Variants in NUP210 observed in about 807,000 individuals in gnomAD.
The protein encoded by NUP210 is nuclear pore membrane glycoprotein 210.
Under a neutral mutation model 196.0 loss-of-function variants are expected in NUP210, and 151 were observed. The observed-to-expected ratio is 0.77, with a 90% CI of 0.67 to 0.88. The LOEUF (loss-of-function observed/expected upper bound fraction) is 0.88. Among genes scored for constraint, NUP210 ranks in the 40% least tolerant of loss-of-function variants. The pLI, the probability that NUP210 is intolerant of heterozygous loss-of-function variation, is 0.00. For missense variants in NUP210, 2,314 were observed against 2,493.7 expected (o/e 0.93, Z 1.53); for synonymous variants, 1,070 against 1,052.7 (o/e 1.02, Z -0.32).
At chr3:13,318,339 G>A (rs1002285851) in intron 39 of NUP210, among the ~76,000 whole-genome samples, 4 of 152,170 alleles carry the variant, frequency 2.6e-5, no homozygotes, top group Non-Finnish European at 4.4e-5. Flanking sequence ...TAGAGAAGTC[G>A]TCAGGCAGAA....
At chr3:13,382,956 G>T (rs913509593) in intron 6 of NUP210, among the ~76,000 whole-genome samples, 1 of 152,030 alleles carries the variant, frequency 6.6e-6, no homozygotes, top group African/African-American at 2.4e-5. Flanking sequence ...GACCAGCCTG[G>T]ACAACACAGA....
intron 14 of NUP210, among the ~76,000 whole-genome samples, chr3:13,364,067 G>A (rs539298121): frequency 6.6e-6 from 1 of 152,132 alleles, no homozygotes; most frequent in Non-Finnish European, 1.5e-5. Flanking sequence ...GTTGGGATGT[G>A]GGGGCAGGTC....
chr3:13,377,038 C>G (rs1202395168), intron 9 of NUP210, among the ~76,000 whole-genome samples: 3 of 152,156 alleles, frequency 2.0e-5, no homozygotes, highest in Non-Finnish European at 4.4e-5. Flanking sequence ...ATGCAGGGTT[C>G]CAGGTATTTC....
rs80060863 is a variant in NUP210 at position 13,369,561 on chromosome 3, T to C, written c.1786+2273A>G. On this transcript the variant is annotated intron_variant, in intron 13 of 39. Transcript: ENST00000254508. ...TTATAGTTTTCAATTTTATATTAGG[T>C]CTTTGATCCACTGTGACTTAATTTT... is the stretch of plus-strand genomic sequence containing the variant. Among the ~76,000 whole-genome samples, 1,293 of 152,324 alleles carry C rather than the reference T, an allele frequency of 8.5e-3. 19 individuals are homozygous for C. The highest frequency in any genetic ancestry group is 0.03 in the African/African-American group (1,227 of 41,558).
At position 13,341,820 on chromosome 3, in the gene NUP210, G is replaced by T; in HGVS notation, c.3156C>A (p.Gly1052=). Residue 1052 remains glycine (G), a synonymous_variant, in exon 23 of 40, where the codon GGC becomes GGA. Coordinates refer to ENST00000254508, the MANE Select transcript of NUP210 (RefSeq NM_024923.4). The part of the protein sequence containing the change: ...ITFLIRGVAI[G]QTSLTASVTN... ...TCACACTTGCAGTTAGACTGGTCTG[G>T]CCGATGGCCACACCGCGGATGAGGA... is the stretch of plus-strand genomic sequence containing the variant. The T allele has an allele frequency of 6.2e-7, 1 of 1,614,208 alleles. No homozygotes were observed. The highest frequency in any genetic ancestry group is 8.5e-7 in the Non-Finnish European group (1 of 1,180,040).
intron 14 of NUP210, among the ~76,000 whole-genome samples, chr3:13,363,029 C>G (rs1559329280): frequency 6.6e-6 from 1 of 152,172 alleles, no homozygotes; most frequent in African/African-American, 2.4e-5. Context: ...GGACCTTAAA[C>G]AAGTTAATGT....
Position 13,327,455 on chromosome 3 carries a change from A to G in NUP210, c.4287-18T>C. Reference sequence around the variant, plus strand: ...AGTCGTCTCTAGGCACAGGAGAGAAAGGAGGGCTCTCAGTCTCGGGAAAGA... The same window carrying G: ...AGTCGTCTCTAGGCACAGGAGAGAAGGGAGGGCTCTCAGTCTCGGGAAAGA... On this transcript the variant is annotated intron_variant, in intron 31 of 39. Transcript: ENST00000254508. 2 of 1,570,866 alleles carry G rather than the reference A, an allele frequency of 1.3e-6. No individual in the cohort carries two copies. The highest frequency in any genetic ancestry group is 4.5e-5 in the East Asian group (2 of 44,180).
intron 31 of NUP210, among the ~76,000 whole-genome samples, chr3:13,328,391 T>C (rs1021994633): frequency 1.3e-5 from 2 of 152,208 alleles, no homozygotes; most frequent in African/African-American, 4.8e-5. Context: ...CCCAGTTCTT[T>C]CCATAAGGCA....
At chr3:13,361,159 T>C (rs530367353) in intron 14 of NUP210, among the ~76,000 whole-genome samples, 3 of 152,366 alleles carry the variant, frequency 2.0e-5, no homozygotes, top group South Asian at 2.1e-4. Flanking sequence ...CCCTTCCTTC[T>C]GAGCCGCTGG....
chr3:13,373,102 G>C lies in NUP210; in HGVS notation c.1587+616C>G, dbSNP rs138666118. Among the ~76,000 whole-genome samples the C allele has an allele frequency of 4.0e-3, 607 of 152,268 alleles. 3 individuals are homozygous for C. Among genetic ancestry groups the C allele is most frequent in the African/African-American group, 0.014 (581 of 41,556 alleles). On this transcript the variant is annotated intron_variant, in intron 12 of 39. Transcript: ENST00000254508. ...GAGCAGGCTGCAGCTGGACTCCATGGGACACCCCTTCCTGCCCCAAATGAA... is the reference window on the plus strand; with the variant it reads ...GAGCAGGCTGCAGCTGGACTCCATGCGACACCCCTTCCTGCCCCAAATGAA...
intron 1 of NUP210, among the ~76,000 whole-genome samples, chr3:13,406,961 C>T (rs1487605877): frequency 6.6e-6 from 1 of 151,912 alleles, no homozygotes; most frequent in East Asian, 1.9e-4. Context: ...ACGTGGCTCA[C>T]TCGGTTCTCT....
chr3:13,385,279 GTA>G (rs1166171378), intron 6 of NUP210, among the ~76,000 whole-genome samples: 2 of 152,196 alleles, frequency 1.3e-5, no homozygotes, highest in African/African-American at 4.8e-5. Context: ...GTGACACCCT[GTA>G]TCACAGGTGG....
At chr3:13,355,987 C>T (rs1378282251) in intron 16 of NUP210, among the ~76,000 whole-genome samples, 1 of 152,208 alleles carries the variant, frequency 6.6e-6, no homozygotes, top group Non-Finnish European at 1.5e-5. Flanking sequence ...CAAGGTCACA[C>T]AGGTTTAGGG....
In NUP210 at chr3:13,348,777, C is replaced by G. The variant is rs1195956450; in HGVS notation, c.2835+3102G>C. ...AGAAGAACAGGAACAGTGGGACTCC[C>G]TCCCCCTCCTTGAGGCACGGCGCTG... is the stretch of plus-strand genomic sequence containing the variant. On this transcript the variant is annotated intron_variant, in intron 20 of 39. Transcript: ENST00000254508. This position sits in a 1 kb window ranked among gnomAD's most constrained non-coding sequence, Gnocchi z 4.0. The G allele has an allele frequency of 6.1e-6, 6 of 985,402 alleles. No homozygotes were observed. Among genetic ancestry groups the G allele is most frequent in the Non-Finnish European group, 7.2e-6 (6 of 829,930 alleles). 61.0% of individuals were successfully genotyped at this position (985,402 alleles called of 1,614,324 possible). A position where few individuals can be genotyped will look rare whatever the true frequency, so the allele number is the denominator to read the frequency against.
At chr3:13,391,047 G>A (rs2124935743) in intron 4 of NUP210, among the ~76,000 whole-genome samples, 164 bp downstream of exon 4, 1 of 152,318 alleles carries the variant, frequency 6.6e-6, no homozygotes, top group East Asian at 1.9e-4. Flanking sequence ...TGGTGTGAGT[G>A]GATCCCATTC....
At chr3:13,343,343 T>TGGGGGGGGGGGGGGGGGGGGGA in intron 20 of NUP210, 40 bp from the exon 21 acceptor site, 2 of 996,932 alleles carry the variant, frequency 2.0e-6, no homozygotes, top group Non-Finnish European at 3.1e-6. Flanking sequence ...GGGTGGTGGG[T>TGGGGGGGGGGGGGGGGGGGGGA]TACGCAGCTG....
At chr3:13,318,226 C>T (rs545203375) in intron 39 of NUP210, among the ~76,000 whole-genome samples, 1 of 152,242 alleles carries the variant, frequency 6.6e-6, no homozygotes, top group East Asian at 1.9e-4. Flanking sequence ...CTGAGAGAGG[C>T]AGCTAGAAAG....
chr3:13,344,530 C>CA (rs1377441309), intron 20 of NUP210, among the ~76,000 whole-genome samples: 1 of 151,552 alleles, frequency 6.6e-6, no homozygotes, highest in Non-Finnish European at 1.5e-5. Flanking sequence ...CAAGAAGCTA[C>CA]AAAAAAATAA....
At chr3:13,344,401 C>CA (rs1276274270) in intron 20 of NUP210, among the ~76,000 whole-genome samples, 1 of 152,192 alleles carries the variant, frequency 6.6e-6, no homozygotes, top group Non-Finnish European at 1.5e-5. Context: ...CAGGCTGCCC[C>CA]ACTCCTCTAT....
Sources: gnomAD v4.1 joint callset for allele counts (sites outside exome capture counted in the v4.1 genomes callset) on GRCh38, gnomAD v4.1.1 for gene constraint, Gnocchi (gnomAD v3.1) non-coding constraint, MANE v1.5 for transcripts, NCBI Gene and HGNC (gene_info 2026-07-23, HGNC 2026-07-21) for gene names.